Variants in PDE4D observed in about 807,000 individuals in gnomAD.
The protein encoded by PDE4D is 3',5'-cyclic-AMP phosphodiesterase 4D.
Under a neutral mutation model 87.4 loss-of-function variants are expected in PDE4D, and 24 were observed. That is an observed-to-expected ratio of 0.27 (90% CI 0.20 to 0.39). PDE4D has a LOEUF of 0.39. Ranked by LOEUF, PDE4D falls within the 10% of genes least tolerant of loss-of-function variation. The pLI, the probability that PDE4D is intolerant of heterozygous loss-of-function variation, is 1.00. For synonymous variants in PDE4D, 384 were observed against 383.2 expected (o/e 1.00, Z -0.02); for missense variants, 714 against 1,041.0 (o/e 0.69, Z 4.32).
At chr5:60,294,586 A>G (rs1313281578) in intron 1 of PDE4D, among the ~76,000 whole-genome samples, 1 of 152,078 alleles carries the variant, frequency 6.6e-6, no homozygotes, top group East Asian at 1.9e-4. Flanking sequence ...ATGGATATCA[A>G]TTTATTCCAA....
At chr5:60,414,580 G>C (rs997060393) in intron 1 of PDE4D, among the ~76,000 whole-genome samples, 3 of 152,202 alleles carry the variant, frequency 2.0e-5, no homozygotes, top group African/African-American at 7.2e-5. Flanking sequence ...CTTTCAAGGA[G>C]AAAGAAAAGA....
At chr5:59,158,661 TA>T (rs1183758585) in intron 5 of PDE4D, among the ~76,000 whole-genome samples, 5 of 152,168 alleles carry the variant, frequency 3.3e-5, no homozygotes, top group African/African-American at 9.7e-5. Context: ...TTTATAATAA[TA>T]AAATATTAGG....
chr5:59,765,364 G>T (rs1271752107), intron 1 of PDE4D, among the ~76,000 whole-genome samples: 2 of 152,140 alleles, frequency 1.3e-5, no homozygotes, highest in Non-Finnish European at 2.9e-5. Flanking sequence ...ATTCAACAAT[G>T]GCATATGTTA....
intron 5 of PDE4D, among the ~76,000 whole-genome samples, chr5:59,153,961 G>C (rs1453292732): frequency 6.6e-6 from 1 of 152,148 alleles, no homozygotes; most frequent in Non-Finnish European, 1.5e-5. Flanking sequence ...TTTAGATGGT[G>C]AGAAGAGTAC....
At chr5:59,964,295 A>C (rs1376726881) in intron 3 of PDE4D, among the ~76,000 whole-genome samples, 1 of 152,184 alleles carries the variant, frequency 6.6e-6, no homozygotes, top group African/African-American at 2.4e-5. Context: ...AAATTAACCA[A>C]TATATTTATA....
chr5:59,583,493 A>T (rs1352238434), intron 1 of PDE4D, among the ~76,000 whole-genome samples: 1 of 152,230 alleles, frequency 6.6e-6, no homozygotes, highest in Non-Finnish European at 1.5e-5. Context: ...GCTTGGCAGT[A>T]AAAAGACTGA....
intron 1 of PDE4D, among the ~76,000 whole-genome samples, chr5:60,501,948 AG>A (rs1465807108): frequency 6.6e-6 from 1 of 152,076 alleles, no homozygotes; most frequent in African/African-American, 2.4e-5. Flanking sequence ...CCCATCCTGT[AG>A]GTTGCTTGTT....
At chr5:59,508,758 A>G (rs771846467) in intron 1 of PDE4D, among the ~76,000 whole-genome samples, 38 of 152,110 alleles carry the variant, frequency 2.5e-4, no homozygotes, top group Non-Finnish European at 4.9e-4. Flanking sequence ...AAAGACCAAT[A>G]GAACTTCTAA....
At chr5:59,826,434 T>C (rs903044948) in intron 1 of PDE4D, among the ~76,000 whole-genome samples, 11 of 152,192 alleles carry the variant, frequency 7.2e-5, no homozygotes, top group Non-Finnish European at 1.2e-4. Flanking sequence ...AAAACATTTA[T>C]GCAAAATTAA....
At chr5:59,692,500 C>G (rs1751133023) in intron 1 of PDE4D, among the ~76,000 whole-genome samples, 1 of 152,104 alleles carries the variant, frequency 6.6e-6, no homozygotes, top group Non-Finnish European at 1.5e-5. Flanking sequence ...ACCCCATCAC[C>G]TCATATTACT....
At position 60,084,657 on chromosome 5, in the gene PDE4D, C is replaced by G. The variant is rs76213807; in HGVS notation, c.43-95940G>C. On this transcript the variant is annotated intron_variant, in intron 2 of 16. Coordinates refer to the PDE4D transcript ENST00000502484. ...ACATTTTAAATCAATGTTCCAAACACGTAACTCTCTTAAAGTTTGTCACTG... is the reference window on the plus strand; with the variant it reads ...ACATTTTAAATCAATGTTCCAAACAGGTAACTCTCTTAAAGTTTGTCACTG... 6.4e-3 allele frequency among the ~76,000 whole-genome samples: 975 copies of G among 152,320 alleles called. 16 individuals are homozygous for G. The highest frequency in any genetic ancestry group is 0.045 in the East Asian group (234 of 5,184).
Position 60,239,598 on chromosome 5 carries a change from TTG to T in PDE4D, c.-89-53913_-89-53912del, listed in dbSNP as rs1248564235. Among the ~76,000 whole-genome samples the T allele has an allele frequency of 2.6e-5, 4 of 152,280 alleles. No homozygotes were observed. In the South Asian group the frequency reaches 6.2e-4, roughly 24 times the overall value. ...TATATCTTTCTATTTATCATCTTCT[TTG>T]TGTCTTACCTTAAAATTTTGTAATT... On this transcript the variant is annotated intron_variant, in intron 1 of 16. Coordinates refer to the PDE4D transcript ENST00000502484.
chr5:59,505,597 G>A lies in PDE4D; in HGVS notation c.456-289629C>T, dbSNP rs143576817. ...GAATCTACTATGTGCCAAGCACTGT[G>A]CTAAGCATTTTACATTTTGCATATA... On this transcript the variant is annotated intron_variant, in intron 1 of 14. Coordinates refer to ENST00000340635, the MANE Select transcript of PDE4D (RefSeq NM_001104631.2). Among the ~76,000 whole-genome samples the A allele has an allele frequency of 3.3e-5, 5 of 152,304 alleles. No homozygotes were observed. The East Asian group carries it at 9.7e-4, about 29-fold the overall frequency.
At chr5:59,910,400 C>T (rs144920569) in intron 3 of PDE4D, among the ~76,000 whole-genome samples, 1,744 of 152,302 alleles carry the variant, frequency 0.011, 36 homozygotes, top group African/African-American at 0.039. Context: ...ACATCGTCTA[C>T]TTTAACAAAA....
intron 2 of PDE4D, among the ~76,000 whole-genome samples, chr5:60,129,259 T>C (rs1365978537): frequency 6.6e-6 from 1 of 152,230 alleles, no homozygotes; most frequent in Non-Finnish European, 1.5e-5. Context: ...AAACCTGGTA[T>C]GCATATTTCA....
intron 13 of PDE4D, among the ~76,000 whole-genome samples, chr5:58,976,136 G>GT (rs1276897780): frequency 1.3e-5 from 2 of 152,094 alleles, no homozygotes; most frequent in Non-Finnish European, 2.9e-5. Flanking sequence ...TTGTTTGTTA[G>GT]TTTTTTTAAT....
At chr5:60,174,915 C>T (rs1333350086) in intron 2 of PDE4D, among the ~76,000 whole-genome samples, 1 of 151,952 alleles carries the variant, frequency 6.6e-6, no homozygotes, top group Non-Finnish European at 1.5e-5. Flanking sequence ...TGGTATATAT[C>T]TTGCTTGATA....
chr5:60,369,076 T>C (rs565967640), intron 1 of PDE4D, among the ~76,000 whole-genome samples: 15 of 152,088 alleles, frequency 9.9e-5, no homozygotes, highest in Admixed American at 2.0e-4. Context: ...TGTGTTCTGC[T>C]TGTTTGAACC....
chr5:59,364,585 T>C (rs1782744099), intron 1 of PDE4D, among the ~76,000 whole-genome samples: 1 of 152,166 alleles, frequency 6.6e-6, no homozygotes, highest in Admixed American at 6.6e-5. Context: ...AAACAAACTT[T>C]GGTCAAAGAA....
Sources: gnomAD v4.1 joint callset for allele counts (sites outside exome capture counted in the v4.1 genomes callset) on GRCh38, gnomAD v4.1.1 for gene constraint, MANE v1.5 for transcripts, NCBI Gene and HGNC (gene_info 2026-07-23, HGNC 2026-07-21) for gene names.